CEP192: variants seen among roughly 807,000 people sequenced by gnomAD.
CEP192 encodes the protein centrosomal protein 192, also known as centrosomal protein of 192 kDa.
In CEP192, 151 loss-of-function variants were observed where a neutral mutation model predicts 271.8. That is an observed-to-expected ratio of 0.56 (90% CI 0.49 to 0.64). CEP192 has a LOEUF of 0.64. Among genes scored for constraint, CEP192 ranks in the 30% least tolerant of loss-of-function variants. CEP192 has a pLI of 0.00. For synonymous variants in CEP192, 995 were observed against 1,076.5 expected (o/e 0.92, Z 1.48); for missense variants, 2,910 against 3,020.5 (o/e 0.96, Z 0.86).
intron 35 of CEP192, 150 bp from the exon 36 acceptor site, chr18:13,096,034 A>C: frequency 1.2e-6 from 1 of 808,986 alleles, no homozygotes; most frequent in Non-Finnish European, 1.9e-6. Context: ...TTTGTTTACT[A>C]CCAAGGATTG....
chr18:13,017,881 GTC>G (rs1486597420), intron 7 of CEP192, among the ~76,000 whole-genome samples: 1 of 151,966 alleles, frequency 6.6e-6, no homozygotes, highest in Non-Finnish European at 1.5e-5. Flanking sequence ...TGGTTGTCCT[GTC>G]TCTTTATTCT....
intron 9 of CEP192, among the ~76,000 whole-genome samples, chr18:13,027,848 T>C (rs2035392213): frequency 6.6e-6 from 1 of 152,118 alleles, no homozygotes; most frequent in Admixed American, 6.5e-5. Context: ...CTTTTTTTTT[T>C]CTATTGGGGT....
At chr18:13,086,969 CT>C in intron 30 of CEP192, 47 bp from the exon 31 acceptor site, 1 of 1,367,170 alleles carries the variant, frequency 7.3e-7, no homozygotes, top group African/African-American at 1.5e-5. Flanking sequence ...CAGTGTTTCG[CT>C]TTCTGCTTAA....
At chr18:13,053,682 T>G (rs1160617564) in intron 18 of CEP192, among the ~76,000 whole-genome samples, 2 of 152,062 alleles carry the variant, frequency 1.3e-5, no homozygotes, top group South Asian at 2.1e-4. Flanking sequence ...TGATCTGTTT[T>G]GATTTTGTTT....
At chr18:13,051,465 G>T (rs1303244435) in intron 17 of CEP192, among the ~76,000 whole-genome samples, 3 of 152,160 alleles carry the variant, frequency 2.0e-5, no homozygotes, top group Non-Finnish European at 4.4e-5. Flanking sequence ...AAGCAATTTG[G>T]TTAGTAATAC....
intron 1 of CEP192, among the ~76,000 whole-genome samples, chr18:12,993,865 T>TC (rs2033041045): frequency 6.6e-6 from 1 of 152,242 alleles, no homozygotes; most frequent in Non-Finnish European, 1.5e-5. Context: ...AGACACAGTA[T>TC]CAGCAAACTA....
intron 30 of CEP192, among the ~76,000 whole-genome samples, chr18:13,073,703 C>G (rs11665378): frequency 0.14 from 20,847 of 152,124 alleles, 1,576 homozygotes; most frequent in East Asian, 0.31. Context: ...CTTTTTGTCC[C>G]CACTCATCGT....
chr18:13,098,835 G>T (rs922561886), intron 36 of CEP192, among the ~76,000 whole-genome samples: 1 of 152,212 alleles, frequency 6.6e-6, no homozygotes, highest in Non-Finnish European at 1.5e-5. Flanking sequence ...AGGCGGCTGG[G>T]AGGTGGAGGT....
intron 3 of CEP192, among the ~76,000 whole-genome samples, chr18:13,003,470 AAAG>A (rs1171056794): frequency 1.3e-5 from 2 of 149,936 alleles, no homozygotes; most frequent in African/African-American, 5.0e-5. Context: ...AAAAAAAAAA[AAAG>A]AAGATATGAG....
chr18:13,028,162 G>C (rs1209372072), intron 9 of CEP192, among the ~76,000 whole-genome samples: 2 of 152,138 alleles, frequency 1.3e-5, no homozygotes, highest in East Asian at 1.9e-4. Flanking sequence ...ATCTCTCTCT[G>C]TGTGTTCACG....
intron 24 of CEP192, 92 bp from the exon 25 acceptor site, chr18:13,068,760 T>C (rs1171084846): frequency 1.5e-6 from 2 of 1,315,782 alleles, no homozygotes; most frequent in Admixed American, 2.1e-5. Flanking sequence ...AATTTTCTTA[T>C]TGCCCCTAAG....
chr18:13,021,616 A>T (rs2035000382), intron 9 of CEP192, among the ~76,000 whole-genome samples: 1 of 152,208 alleles, frequency 6.6e-6, no homozygotes, highest in Non-Finnish European at 1.5e-5. Flanking sequence ...TATGAATTTG[A>T]AGATCAGCTT....
At chr18:13,031,316 C>G (rs12971199) in intron 11 of CEP192, among the ~76,000 whole-genome samples, 1 of 141,894 alleles carries the variant, frequency 7.0e-6, no homozygotes, top group Non-Finnish European at 1.5e-5. Flanking sequence ...GGCGGGATCT[C>G]GGCTCACTGC....
chr18:12,996,588 A>T (rs2033259637), intron 1 of CEP192, among the ~76,000 whole-genome samples: 1 of 152,124 alleles, frequency 6.6e-6, no homozygotes, highest in African/African-American at 2.4e-5. Context: ...GGGTGAGTTG[A>T]TGGAAGAAGT....
chr18:13,123,988 C>T (rs560960897), intron 44 of CEP192, among the ~76,000 whole-genome samples: 3 of 152,164 alleles, frequency 2.0e-5, no homozygotes, highest in South Asian at 2.1e-4. Context: ...GGTGAAACCC[C>T]GCCTCTACTA....
chr18:13,034,467 A>G (rs1048407320), intron 11 of CEP192, among the ~76,000 whole-genome samples: 7 of 152,170 alleles, frequency 4.6e-5, no homozygotes, highest in African/African-American at 1.2e-4. Flanking sequence ...GTCATTTTAA[A>G]TGAAAATTTG....
In CEP192 at chr18:13,116,393, G is replaced by T; in HGVS notation, c.7306G>T (p.Ala2436Ser). 6.2e-7 allele frequency: 1 copy of T among 1,612,112 alleles called. No homozygotes were observed. The highest frequency in any genetic ancestry group is 8.5e-7 in the Non-Finnish European group (1 of 1,179,482). The change falls in exon 43 of 45, where the codon GCT becomes TCT. Residue 2436 changes from alanine (A) to serine (S), a missense_variant. By Grantham distance (99) the Ala-to-Ser change is moderately conservative. Coordinates refer to ENST00000506447, the MANE Select transcript of CEP192 (RefSeq NM_032142.4). ...ARIPEQLDVT[A>S]RGVYAPEDVY... ...CCAAAGCAGGCAGCTTGATGTGACT[G>T]CTCGTGGAGTTTATGCCCCAGAGGA...
intron 4 of CEP192, among the ~76,000 whole-genome samples, chr18:13,011,863 C>G (rs80074573): frequency 0.044 from 6,631 of 152,258 alleles, 211 homozygotes; most frequent in African/African-American, 0.094. Flanking sequence ...TTCATAGCAG[C>G]ATTACTCACA....
intron 20 of CEP192, 93 bp downstream of exon 20, chr18:13,057,826 C>T (rs756461903): frequency 5.0e-4 from 610 of 1,211,204 alleles, no homozygotes; most frequent in Non-Finnish European, 6.9e-4. Context: ...TCTCCCTTCA[C>T]GCCTTTATTA....
Sources: gnomAD v4.1 joint callset for allele counts (sites outside exome capture counted in the v4.1 genomes callset) on GRCh38, gnomAD v4.1.1 for gene constraint, MANE v1.5 for transcripts, NCBI Gene and HGNC (gene_info 2026-07-23, HGNC 2026-07-21) for gene names.